Variants in GNAL observed in about 807,000 individuals in gnomAD.
GNAL encodes the protein G protein subunit alpha L, also known as guanine nucleotide-binding protein G(olf) subunit alpha.
Under a neutral mutation model 55.1 loss-of-function variants are expected in GNAL, and 18 were observed. The ratio of observed to expected loss-of-function variants is 0.33; its 90% CI spans 0.23 to 0.48. The LOEUF (loss-of-function observed/expected upper bound fraction) is 0.48. GNAL is among the 20% of genes least tolerant of loss of function. The pLI is 0.99. For synonymous variants in GNAL, 253 were observed against 237.0 expected, an observed-to-expected ratio of 1.07 and a Z score of -0.62; for missense variants, 412 against 614.1, an observed-to-expected ratio of 0.67 and a Z score of 3.48.
At chr18:11,737,519 C>A (rs1568004112) in intron 1 of GNAL, among the ~76,000 whole-genome samples, 1 of 152,196 alleles carries the variant, frequency 6.6e-6, no homozygotes, top group Non-Finnish European at 1.5e-5. Flanking sequence ...GGGGTCTCTG[C>A]AGTGGGTTTC....
intron 1 of GNAL, among the ~76,000 whole-genome samples, chr18:11,724,063 C>G (rs1232791922): frequency 2.0e-5 from 3 of 152,194 alleles, no homozygotes; most frequent in African/African-American, 4.8e-5. Flanking sequence ...TGGCTTGAAA[C>G]AGCAACCAAA....
rs62100067 is a variant in GNAL, at chr18:11,793,531, A to C, written c.625-31387A>C. The stretch of plus-strand genomic sequence containing the variant: ...CACAAATTCAAGGCTGCAGTGAGCT[A>C]TGATTGTGCCACCACATTGCAGCCT... On this transcript the variant is annotated intron_variant, in intron 4 of 11. Coordinates refer to ENST00000334049, the MANE Select transcript of GNAL (RefSeq NM_182978.4). Among the ~76,000 whole-genome samples, 738 of 152,184 alleles carry C rather than the reference A, an allele frequency of 4.8e-3. 2 individuals are homozygous for C. The highest frequency in any genetic ancestry group is 7.8e-3 in the Non-Finnish European group (529 of 68,006).
intron 10 of GNAL, among the ~76,000 whole-genome samples, chr18:11,876,154 T>C (rs2036526592): frequency 6.6e-6 from 1 of 152,218 alleles, no homozygotes; most frequent in Non-Finnish European, 1.5e-5. Flanking sequence ...GCAATAACTA[T>C]TAAAATGATG....
chr18:11,832,366 A>C (rs1396660210), intron 5 of GNAL, among the ~76,000 whole-genome samples: 1 of 152,178 alleles, frequency 6.6e-6, no homozygotes, highest in Admixed American at 6.5e-5. Context: ...AAAAAAGTCA[A>C]GTGATTTTTC....
At chr18:11,805,616 TTC>T (rs1191141460) in intron 4 of GNAL, among the ~76,000 whole-genome samples, 1 of 152,206 alleles carries the variant, frequency 6.6e-6, no homozygotes, top group Non-Finnish European at 1.5e-5. Context: ...GTGTTTGTTT[TTC>T]TGTTTCTGAA....
chr18:11,798,762 G>A (rs925841552), intron 4 of GNAL, among the ~76,000 whole-genome samples: 4 of 152,042 alleles, frequency 2.6e-5, no homozygotes, highest in Non-Finnish European at 4.4e-5. Context: ...TTATAAAGTA[G>A]GATGTTTACA....
intron 1 of GNAL, among the ~76,000 whole-genome samples, chr18:11,740,167 G>A (rs2032546402): frequency 6.6e-6 from 1 of 152,054 alleles, no homozygotes; most frequent in Non-Finnish European, 1.5e-5. Context: ...ATTCGTTACA[G>A]TACTTAACTG....
intron 1 of GNAL, among the ~76,000 whole-genome samples, chr18:11,692,436 C>A (rs1174062170): frequency 6.6e-6 from 1 of 152,186 alleles, no homozygotes; most frequent in African/African-American, 2.4e-5. Context: ...GCAGAGCTCT[C>A]CCCTCCAGTG....
At chr18:11,750,846 G>T (rs2032802271) in intron 1 of GNAL, among the ~76,000 whole-genome samples, 1 of 152,158 alleles carries the variant, frequency 6.6e-6, no homozygotes, top group South Asian at 2.1e-4. Context: ...GTGGGACAGA[G>T]TTGAATGTGT....
intron 4 of GNAL, among the ~76,000 whole-genome samples, chr18:11,772,034 G>A (rs2033651795): frequency 6.6e-6 from 1 of 152,118 alleles, no homozygotes; most frequent in Non-Finnish European, 1.5e-5. Flanking sequence ...GGACACCGCA[G>A]AGGTGCTCCT....
At chr18:11,863,526 T>A (rs1310157857) in intron 6 of GNAL, among the ~76,000 whole-genome samples, 1 of 152,176 alleles carries the variant, frequency 6.6e-6, no homozygotes, top group Non-Finnish European at 1.5e-5. Flanking sequence ...CTTGAGTCAG[T>A]CCCTCAACTA....
chr18:11,824,070 AAG>A, intron 4 of GNAL, among the ~76,000 whole-genome samples: 2 of 152,104 alleles, frequency 1.3e-5, no homozygotes, highest in Non-Finnish European at 2.9e-5. Context: ...TAAACGAAAA[AAG>A]AAATAAATTA....
At chr18:11,832,228 C>T (rs911529496) in intron 5 of GNAL, among the ~76,000 whole-genome samples, 12 of 152,186 alleles carry the variant, frequency 7.9e-5, no homozygotes, top group African/African-American at 2.9e-4. Flanking sequence ...CTCCACAGCT[C>T]ACAGAGTGTA....
chr18:11,782,845 A>G (rs1466770354), intron 4 of GNAL, among the ~76,000 whole-genome samples: 4 of 152,226 alleles, frequency 2.6e-5, no homozygotes, highest in African/African-American at 9.7e-5. Flanking sequence ...AAAAATGTAC[A>G]TAGATGCTAC....
chr18:11,851,365 TC>T (rs1447686508), intron 5 of GNAL: 38 of 1,077,910 alleles, frequency 3.5e-5, no homozygotes, highest in Non-Finnish European at 4.6e-5. Flanking sequence ...GGCGCTGGGC[TC>T]TGACGTCACC....
intron 5 of GNAL, among the ~76,000 whole-genome samples, chr18:11,849,109 TA>T (rs2035798523): frequency 6.6e-6 from 1 of 152,214 alleles, no homozygotes; most frequent in African/African-American, 2.4e-5. Flanking sequence ...GTCTGGTGCA[TA>T]AGTACTTTAT....
intron 4 of GNAL, among the ~76,000 whole-genome samples, chr18:11,795,001 C>G (rs1281061635): frequency 1.3e-5 from 2 of 152,088 alleles, no homozygotes; most frequent in East Asian, 1.9e-4. Context: ...TGCCATCATG[C>G]CTGCCTAATT....
At chr18:11,831,302 C>G (rs2035377840) in intron 5 of GNAL, among the ~76,000 whole-genome samples, 1 of 152,090 alleles carries the variant, frequency 6.6e-6, no homozygotes, top group Non-Finnish European at 1.5e-5. Context: ...TCCTTCAGGC[C>G]TCCTTGGTGA....
chr18:11,821,821 G>T (rs1206469993), intron 4 of GNAL, among the ~76,000 whole-genome samples: 1 of 152,220 alleles, frequency 6.6e-6, no homozygotes, highest in Admixed American at 6.5e-5. Context: ...TTCAGAGCTA[G>T]AATGTCCTCC....
Sources: gnomAD v4.1 joint callset for allele counts (sites outside exome capture counted in the v4.1 genomes callset) on GRCh38, gnomAD v4.1.1 for gene constraint, MANE v1.5 for transcripts, NCBI Gene and HGNC (gene_info 2026-07-23, HGNC 2026-07-21) for gene names.